CGAS: variants seen among roughly 807,000 people sequenced by gnomAD.
CGAS encodes the protein cyclic GMP-AMP synthase, also known as 2'3'-cGAMP synthase.
A neutral mutation model predicts 34.0 loss-of-function variants in CGAS; 31 were observed. The observed-to-expected ratio is 0.91, with a 90% CI of 0.69 to 1.23. The LOEUF (loss-of-function observed/expected upper bound fraction) is 1.23, where lower values mean the gene tolerates loss of function less well. CGAS is among the 50% of genes most tolerant of loss of function. The pLI is 0.00. For synonymous variants in CGAS, 266 were observed against 260.0 expected (o/e 1.02, Z -0.22); for missense variants, 597 against 657.6 (o/e 0.91, Z 1.01).
rs1770054579 is a variant in CGAS, at chr6:73,424,569, T to C, written c.*658A>G. On this transcript the variant is annotated 3_prime_UTR_variant, in exon 5 of 5. Transcript: ENST00000370315. ...TTCCAACCTAAAAATGTCATTTATT[T>C]ATTTATTTGCCTGCATGATAAAGCA... The C allele has an allele frequency of 6.6e-6, 1 of 152,192 alleles. No homozygotes were observed. Among genetic ancestry groups the C allele is most frequent in the Non-Finnish European group, 1.5e-5 (1 of 68,032 alleles). 9.4% of individuals were successfully genotyped at this position (152,192 alleles called of 1,614,324 possible). A position where few individuals can be genotyped will look rare whatever the true frequency, so the allele number is the denominator to read the frequency against.
At chr6:73,447,697 C>T (rs760030439) in intron 1 of CGAS, among the ~76,000 whole-genome samples, 9 of 152,158 alleles carry the variant, frequency 5.9e-5, no homozygotes, top group Non-Finnish European at 1.3e-4. Flanking sequence ...ATGTGATTCT[C>T]CCACCTCGGC....
chr6:73,428,870 A>G, intron 3 of CGAS, 59 bp from the exon 4 acceptor site: 1 of 1,423,534 alleles, frequency 7.0e-7, no homozygotes, highest in South Asian at 1.2e-5. Flanking sequence ...TATCTAAACA[A>G]TATTCAAGTG....
Position 73,451,805 on chromosome 6 carries a change from G to T in CGAS, c.377C>A (p.Ala126Glu), listed in dbSNP as rs1349878419. The change falls in exon 1 of 5, where the codon GCG becomes GAG. Residue 126 changes from alanine to glutamate, a missense_variant. This residue lies in a region of CGAS where 321 missense variants were observed against 314.3 expected (regional missense o/e 1.02). Coordinates refer to ENST00000370315, the MANE Select transcript of CGAS (RefSeq NM_138441.3). ...AGGTCTTGGCTTCGTGGAGCAGCGC[G>T]CGCCCCTCTGGCGGCAAGAACCAGC... ...SRAGSCRQRG[A>E]RCSTKPRPPP... The T allele has an allele frequency of 2.6e-6, 4 of 1,564,378 alleles. No homozygotes were observed. The highest frequency in any genetic ancestry group is 3.5e-6 in the Non-Finnish European group (4 of 1,156,052).
At position 73,424,248 on chromosome 6, in the gene CGAS, C is replaced by T. The variant is rs530263923; in HGVS notation, c.*979G>A. On this transcript the variant is annotated 3_prime_UTR_variant, in exon 5 of 5. Transcript: ENST00000370315. The stretch of plus-strand genomic sequence containing the variant: ...AGGAGATCGAGACCATCCTGGCTAA[C>T]ATGGTGAAACCCCATCTTTACTAAA... 1 of 152,216 alleles carries T rather than the reference C, an allele frequency of 6.6e-6. No individual in the cohort carries two copies. Among genetic ancestry groups the T allele is most frequent in the Admixed American group, 6.6e-5 (1 of 15,254 alleles). 9.4% of individuals were successfully genotyped at this position (152,216 alleles called of 1,614,324 possible).
chr6:73,425,764 C>CA (rs1770075536), intron 4 of CGAS, among the ~76,000 whole-genome samples, 186 bp from the exon 5 acceptor site: 1 of 150,442 alleles, frequency 6.6e-6, no homozygotes, highest in Non-Finnish European at 1.5e-5. Flanking sequence ...CACCTAAGAT[C>CA]AAGAGTTTGA....
intron 1 of CGAS, among the ~76,000 whole-genome samples, chr6:73,450,211 G>A (rs1770540448): frequency 6.6e-6 from 1 of 151,778 alleles, no homozygotes; most frequent in African/African-American, 2.4e-5. Flanking sequence ...GAGGTCGGGA[G>A]TTCTAGACCA....
intron 3 of CGAS, among the ~76,000 whole-genome samples, chr6:73,436,135 C>A (rs1381122980): frequency 6.6e-6 from 1 of 151,786 alleles, no homozygotes; most frequent in Non-Finnish European, 1.5e-5. Flanking sequence ...ACAACCCTAA[C>A]TCCTGGGCTC....
chr6:73,450,941 G>C (rs1004504118), intron 1 of CGAS, among the ~76,000 whole-genome samples: 3 of 143,362 alleles, frequency 2.1e-5, no homozygotes, highest in Non-Finnish European at 4.5e-5. Flanking sequence ...AGTGAGCCGA[G>C]ATAGCGCCAC....
chr6:73,445,461 T>G, intron 2 of CGAS, 67 bp downstream of exon 2: 4 of 1,117,236 alleles, frequency 3.6e-6, no homozygotes, highest in South Asian at 1.6e-5. Flanking sequence ...AACATGAGAA[T>G]GGGAGTGTAC....
chr6:73,441,558 A>T (rs1421042156), intron 2 of CGAS, among the ~76,000 whole-genome samples: 1 of 152,196 alleles, frequency 6.6e-6, no homozygotes, highest in Non-Finnish European at 1.5e-5. Context: ...TGTTGGTTCC[A>T]TTCCTCAAAA....
intron 3 of CGAS, among the ~76,000 whole-genome samples, chr6:73,437,041 C>T (rs537962621): frequency 1.8e-4 from 28 of 152,154 alleles, no homozygotes; most frequent in African/African-American, 5.8e-4. Context: ...ATCCCATCTA[C>T]TCCTGGAGGC....
At chr6:73,441,358 C>A (rs894226793) in intron 2 of CGAS, among the ~76,000 whole-genome samples, 21 of 152,118 alleles carry the variant, frequency 1.4e-4, no homozygotes, top group African/African-American at 4.6e-4. Context: ...ACAGCAACAG[C>A]CTGGCACAGA....
intron 4 of CGAS, among the ~76,000 whole-genome samples, chr6:73,427,278 C>CTTTA (rs10628387): frequency 0.66 from 95,107 of 143,134 alleles, 31,938 homozygotes; most frequent in East Asian, 0.89. Context: ...GGCCAACTTA[C>CTTTA]TTTATTTATT....
chr6:73,425,695 C>T (rs548652201), intron 4 of CGAS, 117 bp from the exon 5 acceptor site: 16 of 676,398 alleles, frequency 2.4e-5, no homozygotes, highest in Non-Finnish European at 3.3e-5. Context: ...AAATATAGGC[C>T]GGGCGTGGTG....
In CGAS at chr6:73,425,097, G is replaced by T. The variant is rs564516098; in HGVS notation, c.*130C>A. ...TCAAACTCCTGACCTCAAGTGATCC[G>T]CCTGCCTCGGCCTCCAAAGAGCTGG... On this transcript the variant is annotated 3_prime_UTR_variant, in exon 5 of 5. Coordinates refer to ENST00000370315, the MANE Select transcript of CGAS (RefSeq NM_138441.3). 8 of 611,074 alleles carry T rather than the reference G, an allele frequency of 1.3e-5. No homozygotes were observed. The highest frequency in any genetic ancestry group is 1.9e-5 in the Non-Finnish European group (7 of 369,034). The allele number at this position is 611,074 out of a possible 1,614,324, so 37.9% of individuals were successfully genotyped here.
intron 3 of CGAS, 177 bp downstream of exon 3, chr6:73,440,032 A>G (rs1375317430): frequency 1.7e-6 from 1 of 579,908 alleles, no homozygotes; most frequent in Non-Finnish European, 3.0e-6. Flanking sequence ...TGATATTAAT[A>G]CTACAACTTT....
chr6:73,432,375 G>C (rs1182284650), intron 3 of CGAS, among the ~76,000 whole-genome samples: 4 of 151,870 alleles, frequency 2.6e-5, no homozygotes, highest in Admixed American at 2.6e-4. Flanking sequence ...TGGCCAGGCT[G>C]GTCTCGCACT....
chr6:73,436,388 A>T (rs993583262), intron 3 of CGAS, among the ~76,000 whole-genome samples: 1 of 148,998 alleles, frequency 6.7e-6, no homozygotes, highest in African/African-American at 2.4e-5. Flanking sequence ...GAATATATTT[A>T]CATAAGTATT....
intron 3 of CGAS, among the ~76,000 whole-genome samples, chr6:73,432,039 A>C (rs1268588675): frequency 6.6e-6 from 1 of 152,164 alleles, no homozygotes; most frequent in African/African-American, 2.4e-5. Flanking sequence ...CACCTTGCCC[A>C]GGCTGATCTC....
Sources: gnomAD v4.1 joint callset for allele counts (sites outside exome capture counted in the v4.1 genomes callset) on GRCh38, gnomAD v4.1.1 for gene constraint, gnomAD v4.1.1 regional missense constraint, MANE v1.5 for transcripts, NCBI Gene and HGNC (gene_info 2026-07-23, HGNC 2026-07-21) for gene names.